Variants in UGT1A10 observed in about 807,000 individuals in gnomAD.
UGT1A10 encodes the protein UDP glucuronosyltransferase family 1 member A10.
A neutral mutation model predicts 45.8 loss-of-function variants in UGT1A10; 49 were observed. The observed-to-expected ratio is 1.07, with a 90% CI of 0.85 to 1.36. The LOEUF (loss-of-function observed/expected upper bound fraction) is 1.36, where lower values mean the gene tolerates loss of function less well. Ranked by LOEUF, UGT1A10 falls within the 40% of genes most tolerant of loss-of-function variation. The probability of loss-of-function intolerance (pLI) is 0.00; values close to 1 mark genes in which losing one functional copy is unlikely to be tolerated. For synonymous variants in UGT1A10, 284 were observed against 249.7 expected (o/e 1.14, Z -1.29); for missense variants, 745 against 668.6 (o/e 1.11, Z -1.26).
intron 1 of UGT1A10, among the ~76,000 whole-genome samples, chr2:233,640,750 A>G (rs921898099): frequency 6.6e-6 from 1 of 152,172 alleles, no homozygotes; most frequent in Non-Finnish European, 1.5e-5. Flanking sequence ...ATAGGCCAAC[A>G]ATCTTAGGTA....
Position 233,765,707 on chromosome 2 carries a change from ATAAT to A in UGT1A10, c.856-1322_856-1319del, listed in dbSNP as rs1196419117. Among the ~76,000 whole-genome samples, 12 of 144,042 alleles carry A rather than the reference ATAAT, an allele frequency of 8.3e-5. No individual in the cohort carries two copies. The East Asian group carries it at 2.3e-3, about 27-fold the overall frequency. 94.5% of individuals were successfully genotyped at this position (144,042 alleles called of 152,430 possible). Reference sequence around the variant, plus strand: ...GAACTTCAAGTAAATAATAATAATAATAATTAATAATAATAATAATAATAAATAA... The same window carrying A: ...GAACTTCAAGTAAATAATAATAATAATAATAATAATAATAATAATAAATAA... On this transcript the variant is annotated intron_variant, in intron 1 of 4. Transcript: ENST00000344644.
At chr2:233,642,652 C>T (rs191517249) in intron 1 of UGT1A10, among the ~76,000 whole-genome samples, 3 of 152,224 alleles carry the variant, frequency 2.0e-5, no homozygotes, top group East Asian at 1.9e-4. Context: ...TATTTGTAGC[C>T]GTCCTTCTTG....
At chr2:233,738,845 C>T (rs1366677682) in intron 1 of UGT1A10, 1 of 152,224 alleles carries the variant, frequency 6.6e-6, no homozygotes, top group Admixed American at 6.5e-5. Flanking sequence ...AAATGTTAAT[C>T]ACCAAGACAA....
At chr2:233,640,315 C>A (rs754770406) in intron 1 of UGT1A10, among the ~76,000 whole-genome samples, 2 of 152,088 alleles carry the variant, frequency 1.3e-5, no homozygotes, top group Non-Finnish European at 2.9e-5. Flanking sequence ...CTTATTCTGA[C>A]CTTTTAAAGA....
chr2:233,717,158 G>T (rs75491591), intron 1 of UGT1A10, among the ~76,000 whole-genome samples: 2,054 of 152,298 alleles, frequency 0.013, 54 homozygotes, highest in African/African-American at 0.047. Context: ...GAACATGGGA[G>T]CCCCTTGAAT....
intron 1 of UGT1A10, chr2:233,672,571 C>A (rs1458618874): frequency 6.2e-7 from 1 of 1,613,800 alleles, no homozygotes; most frequent in Non-Finnish European, 8.5e-7. Context: ...CCACATCATG[C>A]ACTTGGAGGA....
intron 1 of UGT1A10, among the ~76,000 whole-genome samples, chr2:233,664,717 C>T (rs1266184888): frequency 6.6e-6 from 1 of 152,228 alleles, no homozygotes; most frequent in African/African-American, 2.4e-5. Flanking sequence ...ATGATCCAAA[C>T]ACCTCCCACC....
At chr2:233,659,493 T>G (rs1382173915) in intron 1 of UGT1A10, among the ~76,000 whole-genome samples, 1 of 152,196 alleles carries the variant, frequency 6.6e-6, no homozygotes, top group Non-Finnish European at 1.5e-5. Context: ...AAAAATGTAT[T>G]AAGTATTCAT....
chr2:233,650,080 C>A (rs745362868), intron 1 of UGT1A10, among the ~76,000 whole-genome samples: 1 of 152,146 alleles, frequency 6.6e-6, no homozygotes, highest in Non-Finnish European at 1.5e-5. Flanking sequence ...AAGCGATTCA[C>A]CTGCCTCAGC....
Position 233,636,940 on chromosome 2 carries a change from A to T in UGT1A10, c.418A>T (p.Ser140Cys). 3 of 1,613,952 alleles carry T rather than the reference A, an allele frequency of 1.9e-6. No homozygotes were observed. The highest frequency in any genetic ancestry group is 2.5e-6 in the Non-Finnish European group (3 of 1,179,958). ...DRKLVEYLKE[S>C]SFDAVFLDPF... ...AAAATTAGTAGAATACTTAAAGGAG[A>T]GTTCTTTTGATGCAGTGTTTCTGGA... is the stretch of plus-strand genomic sequence containing the variant. The change falls in exon 1 of 5, where the codon AGT becomes TGT. Residue 140 changes from serine to cysteine, a missense_variant. By Grantham distance (112) the Ser-to-Cys change is moderately radical. Transcript: ENST00000344644.
chr2:233,766,377 AATGT>A (rs1451884562), intron 1 of UGT1A10, among the ~76,000 whole-genome samples: 1 of 151,914 alleles, frequency 6.6e-6, no homozygotes, highest in Non-Finnish European at 1.5e-5. Context: ...AGTTCTTCTC[AATGT>A]CCAGCTGTCC....
In UGT1A10 at chr2:233,714,350, G is replaced by A. The variant is rs530414366; in HGVS notation, c.856-52684G>A. Among the ~76,000 whole-genome samples the A allele has an allele frequency of 6.6e-5, 10 of 152,326 alleles. No homozygotes were observed. The East Asian group carries it at 9.6e-4, about 15-fold the overall frequency. On this transcript the variant is annotated intron_variant, in intron 1 of 4. Transcript: ENST00000344644. ...GACCTAAGCACTCAGAGGAAGTAGAGGTTTCAAAGAAGTTGACTCAGTTCA... is the reference window on the plus strand; with the variant it reads ...GACCTAAGCACTCAGAGGAAGTAGAAGTTTCAAAGAAGTTGACTCAGTTCA...
chr2:233,675,031 G>A (rs1012178450), intron 1 of UGT1A10, among the ~76,000 whole-genome samples: 2 of 152,162 alleles, frequency 1.3e-5, no homozygotes, highest in Non-Finnish European at 2.9e-5. Context: ...GTATGTGTTT[G>A]CACATGTATG....
chr2:233,734,158 C>CT (rs2078493084), intron 1 of UGT1A10, among the ~76,000 whole-genome samples: 1 of 151,988 alleles, frequency 6.6e-6, no homozygotes, highest in African/African-American at 2.4e-5. Flanking sequence ...TGGTCCTGGA[C>CT]TTTTTTTGGT....
chr2:233,649,673 A>T (rs1343580139), intron 1 of UGT1A10, among the ~76,000 whole-genome samples: 1 of 152,202 alleles, frequency 6.6e-6, no homozygotes, highest in Non-Finnish European at 1.5e-5. Context: ...TGCAACATAG[A>T]CACAAGCTTT....
chr2:233,761,777 C>T (rs1456855794), intron 1 of UGT1A10, among the ~76,000 whole-genome samples: 1 of 152,206 alleles, frequency 6.6e-6, no homozygotes, highest in Non-Finnish European at 1.5e-5. Context: ...TTCACATCCT[C>T]ATCGAAATCT....
At chr2:233,703,913 C>T (rs1307467754) in intron 1 of UGT1A10, among the ~76,000 whole-genome samples, 1 of 150,364 alleles carries the variant, frequency 6.7e-6, no homozygotes, top group Non-Finnish European at 1.5e-5. Context: ...TTTTTTGAGA[C>T]AAAATCTCAT....
chr2:233,752,967 C>G (rs1695099374), intron 1 of UGT1A10, among the ~76,000 whole-genome samples: 2 of 152,152 alleles, frequency 1.3e-5, no homozygotes, highest in African/African-American at 2.4e-5. Context: ...TTTATGTAAC[C>G]AATTGTGTAG....
intron 1 of UGT1A10, among the ~76,000 whole-genome samples, chr2:233,746,960 G>T (rs1278359250): frequency 6.6e-6 from 1 of 151,782 alleles, no homozygotes; most frequent in African/African-American, 2.4e-5. Flanking sequence ...GCTTGAACTT[G>T]GATGTTCCCC....
Sources: gnomAD v4.1 joint callset for allele counts (sites outside exome capture counted in the v4.1 genomes callset) on GRCh38, gnomAD v4.1.1 for gene constraint, MANE v1.5 for transcripts, NCBI Gene and HGNC (gene_info 2026-07-23, HGNC 2026-07-21) for gene names.